ZNF141: variants seen among roughly 807,000 people sequenced by gnomAD.
The protein encoded by ZNF141 is zinc finger protein 141.
Under a neutral mutation model 11.3 loss-of-function variants are expected in ZNF141, and 7 were observed. The ratio of observed to expected loss-of-function variants is 0.62; its 90% CI spans 0.35 to 1.16. ZNF141 has a LOEUF of 1.16. Ranked by LOEUF, ZNF141 falls within the 50% of genes most tolerant of loss-of-function variation. ZNF141 has a pLI of 0.02. For missense variants in ZNF141, 535 were observed against 554.0 expected, an observed-to-expected ratio of 0.97 and a Z score of 0.34; for synonymous variants, 183 against 190.7, an observed-to-expected ratio of 0.96 and a Z score of 0.33.
chr4:361,067 ATATT>A (rs1722083723), intron 3 of ZNF141, among the ~76,000 whole-genome samples: 1 of 152,184 alleles, frequency 6.6e-6, no homozygotes, highest in Admixed American at 6.5e-5. Flanking sequence ...GTAGATGTAA[ATATT>A]TAATTGTGAT....
chr4:359,040 C>T (rs1468405526), intron 3 of ZNF141, among the ~76,000 whole-genome samples: 3 of 152,150 alleles, frequency 2.0e-5, no homozygotes, highest in African/African-American at 7.2e-5. Context: ...GTTCTTGCAT[C>T]TGAAGGAGTA....
In ZNF141 at chr4:375,842, T is replaced by G. The variant is rs1712337506; in HGVS notation, c.*1980T>G. Among the ~76,000 whole-genome samples the G allele has an allele frequency of 6.6e-6, 1 of 152,008 alleles. No homozygotes were observed. Among genetic ancestry groups the G allele is most frequent in the Admixed American group, 6.6e-5 (1 of 15,258 alleles). Reference sequence around the variant, plus strand: ...TTTTTCATTAGGTGGGCATTATTTGTGAATTTTTACAAGAAAGAGTGAGGA... The same window carrying G: ...TTTTTCATTAGGTGGGCATTATTTGGGAATTTTTACAAGAAAGAGTGAGGA... On this transcript the variant is annotated 3_prime_UTR_variant, in exon 4 of 4. Coordinates refer to ENST00000240499, the MANE Select transcript of ZNF141 (RefSeq NM_003441.4).
rs782352782 is a variant in ZNF141 at position 373,896 on chromosome 4, C to G, written c.*34C>G. 3.9e-6 allele frequency: 6 copies of G among 1,535,602 alleles called. No individual in the cohort carries two copies. The South Asian group carries it at 7.2e-5, about 18-fold the overall frequency. On this transcript the variant is annotated 3_prime_UTR_variant, in exon 4 of 4. Coordinates refer to ENST00000240499, the MANE Select transcript of ZNF141 (RefSeq NM_003441.4). ...CTACAAATGTAAAGAATGTGGCAAA[C>G]CTTTGGATGATCCACAAACCTTAAT...
chr4:338,159 C>CCTTG, intron 1 of ZNF141, 173 bp downstream of exon 1: 1 of 730,564 alleles, frequency 1.4e-6, no homozygotes, highest in South Asian at 1.8e-5. Flanking sequence ...CACAGCGGCT[C>CCTTG]TGGCCCAGCC....
chr4:373,833 C>T lies in ZNF141; in HGVS notation c.1396C>T (p.Leu466=), dbSNP rs782700619. 6.2e-7 allele frequency: 1 copy of T among 1,607,148 alleles called. No individual in the cohort carries two copies. Among genetic ancestry groups the T allele is most frequent in the Non-Finnish European group, 8.5e-7 (1 of 1,176,552 alleles). The change falls in exon 4 of 4, where the codon CTG becomes TTG. Residue 466 remains leucine, a synonymous_variant. Transcript: ENST00000240499. ...CDKAFKRFSH[L]NKHKKIHT ...CAAAGCCTTTAAACGGTTCTCACAC[C>T]TGAATAAACATAAGAAAATTCATAC...
Position 375,071 on chromosome 4 carries a change from T to C in ZNF141, c.*1209T>C, listed in dbSNP as rs896611145. The C allele has an allele frequency of 2.0e-5, 3 of 152,160 alleles. No homozygotes were observed. Among genetic ancestry groups the C allele is most frequent in the Non-Finnish European group, 2.9e-5 (2 of 67,990 alleles). 9.4% of individuals were successfully genotyped at this position (152,160 alleles called of 1,614,324 possible). ...TTACCAATGCTCATCTTTTTGCACA[T>C]GATATCCTTTATATTCGAGAAAAGT... is the stretch of plus-strand genomic sequence containing the variant. On this transcript the variant is annotated 3_prime_UTR_variant, in exon 4 of 4. Transcript: ENST00000240499.
intron 3 of ZNF141, among the ~76,000 whole-genome samples, chr4:370,180 T>C (rs1291564992): frequency 2.0e-5 from 3 of 152,192 alleles, no homozygotes; most frequent in Non-Finnish European, 4.4e-5. Flanking sequence ...TTTTTTGCTG[T>C]ATATTTATTA....
Position 363,319 on chromosome 4 carries a change from C to T in ZNF141, c.227-9345C>T, listed in dbSNP as rs553691017. On this transcript the variant is annotated intron_variant, in intron 3 of 3. Coordinates refer to ENST00000240499, the MANE Select transcript of ZNF141 (RefSeq NM_003441.4). ...AATACACAATCATGTCATCTGCAAA[C>T]AGGGACAATTTGACTTCCTCTTTTC... Among the ~76,000 whole-genome samples the T allele has an allele frequency of 6.6e-5, 10 of 152,292 alleles. No individual in the cohort carries two copies. In the East Asian group the frequency reaches 1.2e-3, roughly 18 times the overall value.
intron 3 of ZNF141, among the ~76,000 whole-genome samples, chr4:371,159 C>A: frequency 6.8e-6 from 1 of 147,654 alleles, no homozygotes; most frequent in Admixed American, 6.8e-5. Flanking sequence ...AGTTTTGTTA[C>A]CATTTAGCTC....
chr4:370,817 G>A (rs978820810), intron 3 of ZNF141, among the ~76,000 whole-genome samples: 6 of 151,522 alleles, frequency 4.0e-5, no homozygotes, highest in South Asian at 2.1e-4. Context: ...TGCAAGCTCC[G>A]CCTCCCAGGT....
rs1224514316 is a variant in ZNF141 at position 337,857 on chromosome 4, ATC to A, written c.-121_-120del. 58 of 1,315,274 alleles carry A rather than the reference ATC, an allele frequency of 4.4e-5. No homozygotes were observed. The Admixed American group carries it at 9.5e-4, about 22-fold the overall frequency. 81.5% of individuals were successfully genotyped at this position (1,315,274 alleles called of 1,614,324 possible). The stretch of plus-strand genomic sequence containing the variant: ...TACCAGACCGCGGGTTAGGGGCTTC[ATC>A]TCTCTGCGTTCTCAGTTGTGGGAGG... On this transcript the variant is annotated 5_prime_UTR_variant, in exon 1 of 4. Coordinates refer to ENST00000240499, the MANE Select transcript of ZNF141 (RefSeq NM_003441.4).
intron 3 of ZNF141, among the ~76,000 whole-genome samples, chr4:350,995 CA>C (rs1721570813): frequency 6.6e-6 from 1 of 151,676 alleles, no homozygotes; most frequent in African/African-American, 2.4e-5. Flanking sequence ...ATGATCCGTC[CA>C]CCTCAGCCTC....
rs1298263774 is a variant in ZNF141, at chr4:383,270, C to T, written c.*9408C>T. 2.1e-5 allele frequency: 13 copies of T among 633,016 alleles called. No individual in the cohort carries two copies. The highest frequency in any genetic ancestry group is 8.2e-5 in the East Asian group (3 of 36,456). 39.2% of individuals were successfully genotyped at this position (633,016 alleles called of 1,614,324 possible). ...CCAAACTGAGCCCAGAAGAATGGCC[C>T]GGCTGAGCCCAGCCTAAATTTCTAA... On this transcript the variant is annotated 3_prime_UTR_variant, in exon 4 of 4. Transcript: ENST00000240499.
At chr4:370,303 CAT>C (rs1225409554) in intron 3 of ZNF141, among the ~76,000 whole-genome samples, 1 of 152,004 alleles carries the variant, frequency 6.6e-6, no homozygotes, top group African/African-American at 2.4e-5. Context: ...TGTGTTTGTG[CAT>C]ATGTTTTTCA....
rs1343230935 is a variant in ZNF141, at chr4:374,072, A to G, written c.*210A>G. ...GTGAAGAATATGGCAAAGCCTGTGA[A>G]TGGTCCACAAACCTGAATGAGCAGA... On this transcript the variant is annotated 3_prime_UTR_variant, in exon 4 of 4. Transcript: ENST00000240499. The G allele has an allele frequency of 3.4e-6, 2 of 595,044 alleles. No homozygotes were observed. The highest frequency in any genetic ancestry group is 6.0e-6 in the Non-Finnish European group (2 of 336,092). 36.9% of individuals were successfully genotyped at this position (595,044 alleles called of 1,614,324 possible).
Position 374,549 on chromosome 4 carries a change from GA to G in ZNF141, c.*692del. 1 of 177,444 alleles carries G rather than the reference GA, an allele frequency of 5.6e-6. No homozygotes were observed. The allele number at this position is 177,444 out of a possible 1,614,324, so 11.0% of individuals were successfully genotyped here. On this transcript the variant is annotated 3_prime_UTR_variant, in exon 4 of 4. Transcript: ENST00000240499. ...CTGGGGAAAAAAATGCTACAAATGT[GA>G]AAAACGTGGCAGAGCCTTCAGACCA...
chr4:353,120 C>G (rs1369377364), intron 3 of ZNF141, among the ~76,000 whole-genome samples: 1 of 152,104 alleles, frequency 6.6e-6, no homozygotes, highest in Non-Finnish European at 1.5e-5. Context: ...CGCCTGTAAT[C>G]CTAGCACTTT....
At position 378,480 on chromosome 4, in the gene ZNF141, G is replaced by A. The variant is rs1316993527; in HGVS notation, c.*4618G>A. Among the ~76,000 whole-genome samples, 4 of 152,028 alleles carry A rather than the reference G, an allele frequency of 2.6e-5. No individual in the cohort carries two copies. Among genetic ancestry groups the A allele is most frequent in the African/African-American group, 9.7e-5 (4 of 41,382 alleles). ...AGATGGGGTTTCACCATGTTGGCCA[G>A]GATGGTCTCGATCTTTTGACCTCAT... On this transcript the variant is annotated 3_prime_UTR_variant, in exon 4 of 4. Coordinates refer to ENST00000240499, the MANE Select transcript of ZNF141 (RefSeq NM_003441.4).
In ZNF141 at chr4:373,067, G is replaced by A. The variant is rs1553853852; in HGVS notation, c.630G>A (p.Trp210Ter). The change falls in exon 4 of 4, where the codon TGG becomes TGA. Residue 210 changes from tryptophan to a stop codon, truncating the protein, a stop_gained. Coordinates refer to ENST00000240499, the MANE Select transcript of ZNF141 (RefSeq NM_003441.4). LOFTEE classifies it low-confidence loss of function (END_TRUNC). ...TCEECGKAFK[W>*]SLIFNEHKRI... ...AAGAATGTGGCAAAGCCTTTAAATGGTCTTTAATATTTAATGAACATAAGA... is the reference window on the plus strand; with the variant it reads ...AAGAATGTGGCAAAGCCTTTAAATGATCTTTAATATTTAATGAACATAAGA... The A allele has an allele frequency of 6.2e-7, 1 of 1,613,374 alleles. No homozygotes were observed. The highest frequency in any genetic ancestry group is 1.7e-5 in the Admixed American group (1 of 59,930).
Sources: allele counts gnomAD v4.1 joint callset (sites outside exome capture counted in the v4.1 genomes callset), GRCh38; gene constraint gnomAD v4.1.1; transcripts MANE v1.5; gene names NCBI Gene and HGNC (gene_info 2026-07-23, HGNC 2026-07-21).